The following CADPS variants were observed in gnomAD, a reference collection of about 807,000 sequenced individuals.
CADPS encodes the protein calcium-dependent secretion activator 1.
Under a neutral mutation model 167.3 loss-of-function variants are expected in CADPS, and 57 were observed. The observed-to-expected ratio is 0.34, with a 90% CI of 0.28 to 0.42. The LOEUF is 0.42. CADPS is among the 20% of genes least tolerant of loss of function. CADPS has a pLI of 1.00. For missense variants in CADPS, 1,414 were observed against 1,738.1 expected (o/e 0.81, Z 3.32); for synonymous variants, 676 against 635.3 (o/e 1.06, Z -0.96).
chr3:62,641,889 C>T (rs1309969047), intron 6 of CADPS, among the ~76,000 whole-genome samples: 2 of 152,038 alleles, frequency 1.3e-5, no homozygotes, highest in African/African-American at 4.8e-5. Context: ...TTTCCAACCA[C>T]AAAGTATTAA....
At chr3:62,597,870 C>A (rs2148946935) in intron 6 of CADPS, among the ~76,000 whole-genome samples, 1 of 152,174 alleles carries the variant, frequency 6.6e-6, no homozygotes, top group South Asian at 2.1e-4. Flanking sequence ...AAAATGGTAA[C>A]CTGGTCCAGT....
chr3:62,558,668 C>CG (rs1280571481), intron 9 of CADPS, among the ~76,000 whole-genome samples: 1 of 152,056 alleles, frequency 6.6e-6, no homozygotes, highest in Non-Finnish European at 1.5e-5. Flanking sequence ...CCGCACTGTC[C>CG]GAGGCTTGAG....
At chr3:62,610,337 G>A (rs948192110) in intron 6 of CADPS, among the ~76,000 whole-genome samples, 2 of 151,330 alleles carry the variant, frequency 1.3e-5, no homozygotes, top group African/African-American at 4.9e-5. Context: ...TGCAACCTTC[G>A]CTTCCCAGGT....
chr3:62,547,891 T>C (rs1188984763), intron 11 of CADPS, among the ~76,000 whole-genome samples: 1 of 152,114 alleles, frequency 6.6e-6, no homozygotes, highest in Non-Finnish European at 1.5e-5. Flanking sequence ...CTGAATGTCC[T>C]TCATCTTATA....
intron 1 of CADPS, among the ~76,000 whole-genome samples, chr3:62,769,395 C>A (rs1402954191): frequency 1.3e-5 from 2 of 151,914 alleles, no homozygotes; most frequent in Non-Finnish European, 2.9e-5. Flanking sequence ...CTACAGCTGG[C>A]TAATTTTTGT....
At chr3:62,715,709 T>C (rs140223058) in intron 3 of CADPS, among the ~76,000 whole-genome samples, 2 of 150,646 alleles carry the variant, frequency 1.3e-5, no homozygotes, top group African/African-American at 2.4e-5. Flanking sequence ...AAATAATAGA[T>C]TGTAATATGT....
At chr3:62,845,529 T>G (rs2077276380) in intron 1 of CADPS, among the ~76,000 whole-genome samples, 1 of 152,188 alleles carries the variant, frequency 6.6e-6, no homozygotes, top group South Asian at 2.1e-4. Flanking sequence ...TGGCCTAAAG[T>G]GCAGTTGTGA....
intron 3 of CADPS, among the ~76,000 whole-genome samples, chr3:62,704,104 G>A (rs1349313786): frequency 1.3e-5 from 2 of 152,112 alleles, no homozygotes; most frequent in Non-Finnish European, 2.9e-5. Context: ...AACAAGGTCT[G>A]TGCTTACTTG....
intron 1 of CADPS, among the ~76,000 whole-genome samples, chr3:62,852,965 T>C (rs949988316): frequency 2.0e-5 from 3 of 152,262 alleles, no homozygotes; most frequent in African/African-American, 2.4e-5. Flanking sequence ...GTTTAAAAGA[T>C]ACTTGACTAA....
intron 1 of CADPS, among the ~76,000 whole-genome samples, chr3:62,775,826 G>A (rs780386075): frequency 6.6e-6 from 1 of 152,110 alleles, no homozygotes; most frequent in African/African-American, 2.4e-5. Context: ...AAAAAGGTGT[G>A]TGCCCAAGGA....
chr3:62,492,490 C>A, intron 19 of CADPS, 44 bp from the exon 20 acceptor site: 1 of 1,586,054 alleles, frequency 6.3e-7, no homozygotes, highest in Non-Finnish European at 8.6e-7. Context: ...AAGTGATGAG[C>A]TTCTTTCTCG....
In CADPS at chr3:62,514,551, G is replaced by T. The variant is rs2068554249; in HGVS notation, c.2581+1508C>A. On this transcript the variant is annotated intron_variant, in intron 16 of 29. Coordinates refer to ENST00000383710, the MANE Select transcript of CADPS (RefSeq NM_003716.4). The surrounding 1 kb of genome is among the most constrained non-coding windows in gnomAD (Gnocchi z 4.2). The stretch of plus-strand genomic sequence containing the variant: ...ATAATTAACACAACCAAGAAGAATT[G>T]AGGCACAAAAGGAAATTACAGACCA... Among the ~76,000 whole-genome samples the T allele has an allele frequency of 6.6e-6, 1 of 152,092 alleles. No homozygotes were observed. The highest frequency in any genetic ancestry group is 2.4e-5 in the African/African-American group (1 of 41,412).
At chr3:62,694,292 G>T (rs951055613) in intron 3 of CADPS, among the ~76,000 whole-genome samples, 1 of 152,090 alleles carries the variant, frequency 6.6e-6, no homozygotes, top group Non-Finnish European at 1.5e-5. Flanking sequence ...ACTGAATTCT[G>T]TGCCATAATT....
Position 62,687,720 on chromosome 3 carries a change from G to A in CADPS, c.889-25326C>T, listed in dbSNP as rs76689015. On this transcript the variant is annotated intron_variant, in intron 3 of 29. Transcript: ENST00000383710. ...GTATTGAGTTTTCATTGCTACTTCC[G>A]GGGTTCCCTTCGCATTTTTTTTTTT... Among the ~76,000 whole-genome samples the A allele has an allele frequency of 9.6e-4, 135 of 140,684 alleles. 1 individual carries two copies. The East Asian group carries it at 0.028, about 30-fold the overall frequency. The allele number at this position is 140,684 out of a possible 152,430, so 92.3% of individuals were successfully genotyped here. A position where few individuals can be genotyped will look rare whatever the true frequency, so the allele number is the denominator to read the frequency against.
chr3:62,644,382 G>C (rs769801760), intron 6 of CADPS, among the ~76,000 whole-genome samples: 5 of 152,100 alleles, frequency 3.3e-5, no homozygotes, highest in Non-Finnish European at 7.4e-5. Context: ...GATCTCTCAA[G>C]AATCTTTGAG....
At chr3:62,588,024 G>C (rs771666790) in intron 7 of CADPS, among the ~76,000 whole-genome samples, 57 of 152,190 alleles carry the variant, frequency 3.7e-4, no homozygotes, top group Non-Finnish European at 5.7e-4. Flanking sequence ...CATGTGTGCT[G>C]CACTTTGATG....
In CADPS at chr3:62,492,312, C is replaced by G. The variant is rs768598090; in HGVS notation, c.2862G>C (p.Leu954=). ...TWDSFPLFQL[L]NDFLRTDYNL... ...TACAGTCAGTACGGAGAAAATCATT[C>G]AGCAGCTGAAATAGTGGAAAACTGT... Residue 954 remains leucine, a synonymous_variant, in exon 20 of 30, where the codon CTG becomes CTC. Coordinates refer to ENST00000383710, the MANE Select transcript of CADPS (RefSeq NM_003716.4). 3.7e-6 allele frequency: 6 copies of G among 1,614,052 alleles called. No homozygotes were observed. In the South Asian group the frequency reaches 6.6e-5, roughly 18 times the overall value.
In CADPS at chr3:62,874,722, T is replaced by G. The variant is rs373181966; in HGVS notation, c.308A>C (p.Glu103Ala). 4.8e-5 allele frequency: 74 copies of G among 1,529,656 alleles called. 1 individual carries two copies. In the South Asian group the frequency reaches 8.4e-4, roughly 17 times the overall value. 94.8% of individuals were successfully genotyped at this position (1,529,656 alleles called of 1,614,324 possible). A position where few individuals can be genotyped will look rare whatever the true frequency, so the allele number is the denominator to read the frequency against. The change falls in exon 1 of 30, where the codon GAA becomes GCA. Residue 103 changes from glutamate (E) to alanine (A), a missense_variant. By Grantham distance (107) the Glu-to-Ala change is moderately radical. Coordinates refer to ENST00000383710, the MANE Select transcript of CADPS (RefSeq NM_003716.4). This position sits in a 1 kb window ranked among gnomAD's most constrained non-coding sequence, Gnocchi z 7.1. ...CTCTTTCTGCAGCCGCTCCAACTCTTCCTTCTCCTTCTCGCTCACCACCGA... is the reference window on the plus strand; with the variant it reads ...CTCTTTCTGCAGCCGCTCCAACTCTGCCTTCTCCTTCTCGCTCACCACCGA... ...SPSVVSEKEK[E>A]ELERLQKEEE...
intron 1 of CADPS, among the ~76,000 whole-genome samples, chr3:62,827,002 G>A (rs2074183358): frequency 6.6e-6 from 1 of 152,112 alleles, no homozygotes; most frequent in Admixed American, 6.6e-5. Flanking sequence ...TGGGAGCCAA[G>A]AATTTCACAT....
Sources: gnomAD v4.1 joint callset for allele counts (sites outside exome capture counted in the v4.1 genomes callset) on GRCh38, gnomAD v4.1.1 for gene constraint, Gnocchi (gnomAD v3.1) non-coding constraint, MANE v1.5 for transcripts, NCBI Gene and HGNC (gene_info 2026-07-23, HGNC 2026-07-21) for gene names.